RYR1: variants seen among roughly 807,000 people sequenced by gnomAD.
RYR1 encodes the protein central core disease of muscle.
A neutral mutation model predicts 583.5 loss-of-function variants in RYR1; 342 were observed. That is an observed-to-expected ratio of 0.59 (90% confidence interval 0.54 to 0.64). RYR1 has a LOEUF of 0.64. Among genes scored for constraint, RYR1 ranks in the 30% least tolerant of loss-of-function variants. The pLI, the probability that RYR1 is intolerant of heterozygous loss-of-function variation, is 0.00. For synonymous variants in RYR1, 2,791 were observed against 2,822.5 expected (o/e 0.99, Z 0.35); for missense variants, 6,032 against 6,917.2 (o/e 0.87, Z 4.54).
intron 24 of RYR1, 49 bp from the exon 25 acceptor site, chr19:38,467,561 G>T (rs573093447): frequency 6.3e-7 from 1 of 1,597,200 alleles, no homozygotes; most frequent in South Asian, 1.1e-5. Flanking sequence ...GATGTCTTGG[G>T]ATCCACATCT....
At chr19:38,547,183 C>T (rs532924544) in intron 88 of RYR1, among the ~76,000 whole-genome samples, 646 of 150,388 alleles carry the variant, frequency 4.3e-3, no homozygotes, top group Non-Finnish European at 6.9e-3. Flanking sequence ...GGACTACAGG[C>T]GCCCGCCACC....
chr19:38,586,611 A>G, intron 105 of RYR1, 35 bp downstream of exon 105: 2 of 1,598,482 alleles, frequency 1.3e-6, no homozygotes, highest in Non-Finnish European at 1.7e-6. Flanking sequence ...AGTGGGCAGG[A>G]CGTGGAGCCC....
rs112775260 is a variant in RYR1 at position 38,571,623 on chromosome 19, G to T, written c.13747-396G>T. On this transcript the variant is annotated intron_variant, in intron 94 of 105. Transcript: ENST00000359596. ...CTACACTCCAGCCTAGGTGACAAGA[G>T]TGAAACTCCGTCCACCCCACCAAAA... Among the ~76,000 whole-genome samples, 697 of 152,254 alleles carry T rather than the reference G, an allele frequency of 4.6e-3. 4 individuals are homozygous for T. The highest frequency in any genetic ancestry group is 0.014 in the African/African-American group (592 of 41,540).
intron 89 of RYR1, among the ~76,000 whole-genome samples, chr19:38,555,903 G>A (rs974973044): frequency 9.9e-5 from 15 of 151,982 alleles, no homozygotes; most frequent in African/African-American, 1.9e-4. Context: ...TCACTCTGTT[G>A]TCCAGGCTGG....
At chr19:38,555,740 C>T (rs1972852769) in intron 89 of RYR1, among the ~76,000 whole-genome samples, 1 of 152,170 alleles carries the variant, frequency 6.6e-6, no homozygotes, top group African/African-American at 2.4e-5. Flanking sequence ...TTAAAATCAT[C>T]TTTCATCTCT....
At position 38,502,795 on chromosome 19, in the gene RYR1, GGGC is replaced by G. The variant is rs1568506619; in HGVS notation, c.7835+69_7835+71del. Reference sequence around the variant, plus strand: ...GGGGCAGGGGCAGGGGCAGGGGCAGGGGCAGGGGCAGGGGGAGGAGCAGGGGCA... The same window carrying G: ...GGGGCAGGGGCAGGGGCAGGGGCAGGAGGGGCAGGGGGAGGAGCAGGGGCA... On this transcript the variant is annotated intron_variant, in intron 48 of 105. Transcript: ENST00000359596. 1.9e-5 allele frequency: 21 copies of G among 1,083,338 alleles called. 2 individuals carry two copies. The African/African-American group carries it at 3.8e-4, about 19-fold the overall frequency. 67.1% of individuals were successfully genotyped at this position (1,083,338 alleles called of 1,614,324 possible). A position where few individuals can be genotyped will look rare whatever the true frequency, so the allele number is the denominator to read the frequency against.
intron 99 of RYR1, among the ~76,000 whole-genome samples, chr19:38,578,942 G>A (rs959583639): frequency 6.6e-6 from 1 of 151,778 alleles, no homozygotes; most frequent in Non-Finnish European, 1.5e-5. Context: ...TAGAGACGGT[G>A]AAACCCTGTC....
intron 11 of RYR1, among the ~76,000 whole-genome samples, chr19:38,449,177 C>T (rs1224497896): frequency 3.3e-5 from 5 of 152,044 alleles, no homozygotes; most frequent in African/African-American, 4.8e-5. Context: ...AACAGAGACA[C>T]GGCCGGGCGT....
intron 70 of RYR1, among the ~76,000 whole-genome samples, chr19:38,524,852 G>C (rs777879925): frequency 1.3e-5 from 2 of 152,152 alleles, no homozygotes; most frequent in Non-Finnish European, 2.9e-5. Flanking sequence ...TGCTGTGGAG[G>C]GGGTATTGTA....
intron 39 of RYR1, among the ~76,000 whole-genome samples, chr19:38,495,855 C>T (rs190404771): frequency 3.1e-4 from 47 of 152,156 alleles, no homozygotes; most frequent in South Asian, 8.3e-4. Flanking sequence ...CTCCGCATAC[C>T]GGGTTCAAGC....
intron 95 of RYR1, 50 bp from the exon 96 acceptor site, chr19:38,573,127 G>A (rs1472832335): frequency 6.2e-7 from 1 of 1,610,896 alleles, no homozygotes; most frequent in Non-Finnish European, 8.5e-7. Context: ...TGAGACTATG[G>A]TCCAGCCAAG....
Position 38,551,593 on chromosome 19 carries a change from C to T in RYR1, c.12282+3173C>T, listed in dbSNP as rs151282136. ...CTCCCACTCCTTCCCTGATTCGGGG[C>T]TTGCCGGCTTCCGTCCCTGTCAGGC... On this transcript the variant is annotated intron_variant, in intron 89 of 105. Coordinates refer to ENST00000359596, the MANE Select transcript of RYR1 (RefSeq NM_000540.3). Among the ~76,000 whole-genome samples the T allele has an allele frequency of 7.9e-5, 12 of 152,284 alleles. No individual in the cohort carries two copies. In the East Asian group the frequency reaches 1.4e-3, roughly 17 times the overall value.
Position 38,446,477 on chromosome 19 carries a change from G to T in RYR1, c.637G>T (p.Val213Leu). 2 of 1,613,828 alleles carry T rather than the reference G, an allele frequency of 1.2e-6. No homozygotes were observed. Among genetic ancestry groups the T allele is most frequent in the Non-Finnish European group, 1.7e-6 (2 of 1,179,688 alleles). Reference protein sequence around the residue: ...PICSRCEEGFVTGGHVLRLFH... With the variant: ...PICSRCEEGFLTGGHVLRLFH... The stretch of plus-strand genomic sequence containing the variant: ...CTTCCCTTGCTCCTCTCCAGGCTTC[G>T]TGACGGGAGGTCACGTCCTCCGCCT... The change falls in exon 8 of 106, where the codon GTG (valine) becomes TTG (leucine). Residue 213 changes from valine (V) to leucine (L), a missense_variant. Val to Leu is a conservative substitution (Grantham distance 32). Around this residue, in one of 11 missense-constraint regions of RYR1, gnomAD observed 338 missense variants for 441.6 expected, o/e 0.77. Coordinates refer to ENST00000359596, the MANE Select transcript of RYR1 (RefSeq NM_000540.3).
chr19:38,577,821 C>T (rs1973343534), intron 97 of RYR1, 97 bp from the exon 98 acceptor site: 1 of 1,521,232 alleles, frequency 6.6e-7, no homozygotes, highest in African/African-American at 1.4e-5. Context: ...TCCCATTTCT[C>T]ACTCAGAGTT....
At chr19:38,459,960 A>T (rs1967636552) in intron 19 of RYR1, among the ~76,000 whole-genome samples, 1 of 152,088 alleles carries the variant, frequency 6.6e-6, no homozygotes, top group Non-Finnish European at 1.5e-5. Context: ...AGCTCTCCGA[A>T]TGTCCATTCA....
At chr19:38,568,894 G>C (rs1028785442) in intron 93 of RYR1, among the ~76,000 whole-genome samples, 1 of 152,230 alleles carries the variant, frequency 6.6e-6, no homozygotes, top group South Asian at 2.1e-4. Flanking sequence ...TCCTGGCCGT[G>C]CGAGGGGGCT....
intron 72 of RYR1, chr19:38,527,434 C>T (rs909465604): frequency 8.0e-6 from 5 of 624,206 alleles, no homozygotes; most frequent in South Asian, 1.9e-5. Flanking sequence ...CGCTTGAGCC[C>T]AGGAGGCAGA....
intron 48 of RYR1, 42 bp downstream of exon 48, chr19:38,502,769 AG>A (rs773570031): frequency 2.1e-6 from 1 of 479,444 alleles, no homozygotes; most frequent in Non-Finnish European, 3.4e-6. Flanking sequence ...GGGCAGGGGC[AG>A]GGGCAGGGGC....
At position 38,468,972 on chromosome 19, in the gene RYR1, C is replaced by T. The variant is rs746543447; in HGVS notation, c.3388C>T (p.Arg1130Cys). ...AYVFNGHRGQ[R>C]WHLGSEPFGR... ...TCTCTGGCTGTCCTCACAGGGCCAG[C>T]GCTGGCACTTGGGCAGTGAACCATT... Residue 1130 changes from arginine to cysteine, a missense_variant, in exon 26 of 106, where the codon CGC (arginine) becomes TGC (cysteine). Coordinates refer to ENST00000359596, the MANE Select transcript of RYR1 (RefSeq NM_000540.3). The T allele has an allele frequency of 5.6e-6, 9 of 1,614,128 alleles. No homozygotes were observed. Among genetic ancestry groups the T allele is most frequent in the Admixed American group, 1.7e-5 (1 of 60,010 alleles).
Sources: allele counts gnomAD v4.1 joint callset (sites outside exome capture counted in the v4.1 genomes callset), GRCh38; gene constraint gnomAD v4.1.1; regional missense constraint gnomAD v4.1.1; transcripts MANE v1.5; gene names NCBI Gene and HGNC (gene_info 2026-07-23, HGNC 2026-07-21).